Variants in PBX3 observed in about 807,000 individuals in gnomAD.
PBX3 encodes PBX homeobox 3.
PBX3 carries 14 observed loss-of-function variants against 48.5 expected under a neutral mutation model. That is an observed-to-expected ratio of 0.29 (90% CI 0.19 to 0.45). The LOEUF (loss-of-function observed/expected upper bound fraction) is 0.45. PBX3 is among the 20% of genes least tolerant of loss of function. The pLI, the probability that PBX3 is intolerant of heterozygous loss-of-function variation, is 1.00. For missense variants in PBX3, 386 were observed against 546.7 expected (o/e 0.71, Z 2.93); for synonymous variants, 210 against 200.3 (o/e 1.05, Z -0.41).
intron 2 of PBX3, among the ~76,000 whole-genome samples, chr9:125,858,391 C>T (rs1360209411): frequency 6.6e-6 from 1 of 152,104 alleles, no homozygotes; most frequent in Non-Finnish European, 1.5e-5. Flanking sequence ...TGTACATGTG[C>T]ATATCGTATA....
chr9:125,802,489 C>T (rs1205559399), intron 2 of PBX3, among the ~76,000 whole-genome samples: 1 of 150,976 alleles, frequency 6.6e-6, no homozygotes, highest in African/African-American at 2.4e-5. Context: ...CCACCTCAGC[C>T]TCCCAAGTAG....
chr9:125,880,700 G>A (rs561547511), intron 2 of PBX3, among the ~76,000 whole-genome samples: 1 of 152,202 alleles, frequency 6.6e-6, no homozygotes, highest in East Asian at 1.9e-4. Flanking sequence ...GCTGTAATTT[G>A]TGGTAATCAT....
chr9:125,793,364 A>AG (rs1263966407), intron 2 of PBX3, among the ~76,000 whole-genome samples: 1 of 59,128 alleles, frequency 1.7e-5, no homozygotes, highest in Non-Finnish European at 3.6e-5. Flanking sequence ...GGGGAAAAAA[A>AG]AAATATATAT....
At chr9:125,965,709 G>A in intron 8 of PBX3, 122 bp from the exon 9 acceptor site, 1 of 719,096 alleles carries the variant, frequency 1.4e-6, no homozygotes, top group Non-Finnish European at 2.5e-6. Flanking sequence ...CTGCCACAGT[G>A]GGTTTAGAAA....
chr9:125,853,783 G>A (rs1003074719), intron 2 of PBX3, among the ~76,000 whole-genome samples: 4 of 152,142 alleles, frequency 2.6e-5, no homozygotes, highest in African/African-American at 9.7e-5. Context: ...ATGGTTATGA[G>A]TGAATACTTA....
At chr9:125,834,224 GT>G (rs1410880784) in intron 2 of PBX3, among the ~76,000 whole-genome samples, 1 of 152,124 alleles carries the variant, frequency 6.6e-6, no homozygotes, top group East Asian at 1.9e-4. Context: ...AGAAAAAGTA[GT>G]TTGGGAAGGT....
chr9:125,751,751 A>G, intron 2 of PBX3, among the ~76,000 whole-genome samples: 1 of 152,254 alleles, frequency 6.6e-6, no homozygotes. Flanking sequence ...TTTTCTCCTG[A>G]TTTTTAAAGC....
intron 2 of PBX3, among the ~76,000 whole-genome samples, chr9:125,894,371 T>C (rs538880658): frequency 4.6e-5 from 7 of 152,288 alleles, no homozygotes; most frequent in African/African-American, 1.7e-4. Flanking sequence ...ATTTATGATT[T>C]AATGTTTTGA....
chr9:125,748,635 C>G lies in PBX3; in HGVS notation c.274+12C>G, dbSNP rs761945580. On this transcript the variant is annotated intron_variant, in intron 2 of 8. Coordinates refer to ENST00000373489, the MANE Select transcript of PBX3 (RefSeq NM_006195.6). ...CAAAGAGAAAACAGGTAAGACGCTG[C>G]GCCCCGCAGTGGGCCTGGAGACCCC... 2.5e-6 allele frequency: 4 copies of G among 1,609,972 alleles called. No homozygotes were observed. The African/African-American group carries it at 5.3e-5, about 21-fold the overall frequency.
At chr9:125,777,317 C>T (rs1420580773) in intron 2 of PBX3, among the ~76,000 whole-genome samples, 4 of 151,150 alleles carry the variant, frequency 2.6e-5, no homozygotes, top group Non-Finnish European at 5.9e-5. Context: ...CCAGCCTCTT[C>T]TTTTTAAGAG....
At chr9:125,927,734 T>C (rs2132505865) in intron 3 of PBX3, among the ~76,000 whole-genome samples, 1 of 152,284 alleles carries the variant, frequency 6.6e-6, no homozygotes, top group East Asian at 1.9e-4. Context: ...TACAGATTTA[T>C]AAATCAAAGA....
intron 2 of PBX3, among the ~76,000 whole-genome samples, chr9:125,883,356 T>C (rs1282245014): frequency 6.6e-6 from 1 of 152,238 alleles, no homozygotes; most frequent in Non-Finnish European, 1.5e-5. Context: ...AAATACCAGA[T>C]ACTGTCATGA....
chr9:125,780,778 C>T (rs1231200346), intron 2 of PBX3, among the ~76,000 whole-genome samples: 1 of 128,518 alleles, frequency 7.8e-6, no homozygotes, highest in Non-Finnish European at 1.7e-5. Context: ...GGGGGGCTGA[C>T]CCCCCCACCT....
intron 2 of PBX3, chr9:125,843,796 C>T (rs749095721): frequency 4.2e-5 from 19 of 455,652 alleles, no homozygotes; most frequent in South Asian, 2.2e-4. Context: ...GCTGAGAGAA[C>T]GTCTGGGAGA....
intron 2 of PBX3, among the ~76,000 whole-genome samples, chr9:125,750,085 G>GACATCTGGC (rs1836329489): frequency 6.6e-6 from 1 of 152,192 alleles, no homozygotes; most frequent in South Asian, 2.1e-4. Flanking sequence ...CAGTCTTGAA[G>GACATCTGGC]ATTCTTAGTT....
chr9:125,944,872 G>A (rs1014041380), intron 5 of PBX3, among the ~76,000 whole-genome samples: 1 of 152,026 alleles, frequency 6.6e-6, no homozygotes, highest in Non-Finnish European at 1.5e-5. Context: ...AGTGACCTTG[G>A]GCAAGTCATT....
chr9:125,951,177 C>T (rs967636740), intron 5 of PBX3, among the ~76,000 whole-genome samples: 1 of 152,162 alleles, frequency 6.6e-6, no homozygotes, highest in Non-Finnish European at 1.5e-5. Flanking sequence ...TGTTTAAATA[C>T]AGGCACAAGT....
intron 5 of PBX3, chr9:125,949,465 G>A (rs1472702263): frequency 1.9e-6 from 3 of 1,550,366 alleles, no homozygotes; most frequent in Admixed American, 2.0e-5. Context: ...GCTCCCTGAA[G>A]GTATGAGCCA....
chr9:125,906,751 A>G (rs1191087581), intron 2 of PBX3, among the ~76,000 whole-genome samples: 4 of 152,058 alleles, frequency 2.6e-5, no homozygotes, highest in African/African-American at 4.8e-5. Context: ...GTATGGTACT[A>G]TAGATATATA....
Sources: allele counts gnomAD v4.1 joint callset (sites outside exome capture counted in the v4.1 genomes callset), GRCh38; gene constraint gnomAD v4.1.1; transcripts MANE v1.5; gene names NCBI Gene and HGNC (gene_info 2026-07-23, HGNC 2026-07-21).